Variants in DIS3L2 observed in about 807,000 individuals in gnomAD.
The protein encoded by DIS3L2 is DIS3-like exonuclease 2.
In DIS3L2, 34 loss-of-function variants were observed where a neutral mutation model predicts 97.5. The ratio of observed to expected loss-of-function variants is 0.35; its 90% confidence interval spans 0.27 to 0.46. The LOEUF (loss-of-function observed/expected upper bound fraction) is 0.46, where lower values mean the gene tolerates loss of function less well. Ranked by LOEUF, DIS3L2 falls within the 20% of genes least tolerant of loss-of-function variation. DIS3L2 has a pLI of 1.00. For synonymous variants in DIS3L2, 435 were observed against 445.2 expected, an observed-to-expected ratio of 0.98 and a Z score of 0.29; for missense variants, 1,038 against 1,146.0, an observed-to-expected ratio of 0.91 and a Z score of 1.36.
At chr2:232,074,610 C>T (rs936880045) in intron 5 of DIS3L2, among the ~76,000 whole-genome samples, 1 of 137,696 alleles carries the variant, frequency 7.3e-6, no homozygotes, top group Admixed American at 7.6e-5. Context: ...GAAAGGATCT[C>T]GCTCTGTTAC....
rs191123579 is a variant in DIS3L2 at position 232,100,440 on chromosome 2, C to T, written c.601+12719C>T. On this transcript the variant is annotated intron_variant, in intron 6 of 20. Coordinates refer to ENST00000325385, the MANE Select transcript of DIS3L2 (RefSeq NM_152383.5). ...AGGGATGTTGCTTTTTTGCCCTTTCCCCAAATTCTTGAGTTGAGTACTTAG... is the reference window on the plus strand; with the variant it reads ...AGGGATGTTGCTTTTTTGCCCTTTCTCCAAATTCTTGAGTTGAGTACTTAG... 2.6e-5 allele frequency among the ~76,000 whole-genome samples: 4 copies of T among 151,794 alleles called. No homozygotes were observed. In the East Asian group the frequency reaches 7.7e-4, roughly 29 times the overall value.
chr2:232,273,415 T>C lies in DIS3L2; in HGVS notation c.1659+9975T>C, dbSNP rs998489904. Among the ~76,000 whole-genome samples the C allele has an allele frequency of 1.3e-5, 2 of 152,182 alleles. 1 individual carries two copies. Among genetic ancestry groups the C allele is most frequent in the Non-Finnish European group, 2.9e-5 (2 of 68,030 alleles). ...CATATTGATCTTTTAAAAAAGATGA[T>C]GGTAGCTGTGTTCAGGAGAGTGGAT... On this transcript the variant is annotated intron_variant, in intron 13 of 20. Coordinates refer to ENST00000325385, the MANE Select transcript of DIS3L2 (RefSeq NM_152383.5).
intron 14 of DIS3L2, among the ~76,000 whole-genome samples, chr2:232,322,090 C>T (rs754108837): frequency 6.6e-6 from 1 of 152,180 alleles, no homozygotes; most frequent in Non-Finnish European, 1.5e-5. Flanking sequence ...TAGCTGACTA[C>T]GGGGGTGCCT....
intron 6 of DIS3L2, among the ~76,000 whole-genome samples, chr2:232,115,540 A>G (rs112163702): frequency 6.6e-6 from 1 of 152,168 alleles, no homozygotes; most frequent in African/African-American, 2.4e-5. Flanking sequence ...TTGCCTGTGA[A>G]TGATATGGTT....
At chr2:231,970,393 G>A (rs1692869030) in intron 1 of DIS3L2, among the ~76,000 whole-genome samples, 1 of 152,162 alleles carries the variant, frequency 6.6e-6, no homozygotes, top group Admixed American at 6.5e-5. Flanking sequence ...CACAAATCTA[G>A]ATGTTGTAGC....
intron 14 of DIS3L2, among the ~76,000 whole-genome samples, chr2:232,317,364 C>G (rs887845165): frequency 2.0e-5 from 3 of 152,150 alleles, no homozygotes; most frequent in African/African-American, 4.8e-5. Flanking sequence ...GGACAAATGT[C>G]TCCTGGGAGT....
chr2:232,247,236 A>G (rs921441043), intron 11 of DIS3L2, among the ~76,000 whole-genome samples: 9 of 152,210 alleles, frequency 5.9e-5, no homozygotes, highest in African/African-American at 1.9e-4. Flanking sequence ...AGCCCAGAGG[A>G]GAACACAAGA....
At chr2:232,032,267 T>A (rs1283450879) in intron 5 of DIS3L2, among the ~76,000 whole-genome samples, 1 of 152,272 alleles carries the variant, frequency 6.6e-6, no homozygotes, top group African/African-American at 2.4e-5. Flanking sequence ...CCAGTGTTGA[T>A]GACCTTTTTT....
At chr2:232,249,471 G>A in intron 12 of DIS3L2, 125 bp downstream of exon 12, 2 of 1,023,950 alleles carry the variant, frequency 2.0e-6, no homozygotes, top group South Asian at 3.0e-5. Flanking sequence ...GTATGGAGTA[G>A]CCATCATAGA....
chr2:232,085,350 A>T (rs923190381), intron 5 of DIS3L2, among the ~76,000 whole-genome samples: 5 of 152,112 alleles, frequency 3.3e-5, no homozygotes, highest in Non-Finnish European at 7.4e-5. Context: ...CATGAAAGGG[A>T]CTCCATAATG....
chr2:231,965,500 G>C (rs1328996929), intron 1 of DIS3L2, among the ~76,000 whole-genome samples: 1 of 151,672 alleles, frequency 6.6e-6, no homozygotes, highest in African/African-American at 2.4e-5. Flanking sequence ...GTTGCTTTGG[G>C]CATCCACCAA....
chr2:232,233,496 A>C (rs1035272667), intron 10 of DIS3L2, among the ~76,000 whole-genome samples: 1 of 152,178 alleles, frequency 6.6e-6, no homozygotes, highest in African/African-American at 2.4e-5. Context: ...TCAACCTGTG[A>C]ATTGGCAGGG....
At chr2:232,305,268 G>T (rs1013052042) in intron 14 of DIS3L2, among the ~76,000 whole-genome samples, 4 of 151,946 alleles carry the variant, frequency 2.6e-5, no homozygotes, top group African/African-American at 9.7e-5. Flanking sequence ...AGTAGAGATG[G>T]GATTTCGCCA....
At chr2:232,303,919 C>T (rs1003026742) in intron 14 of DIS3L2, among the ~76,000 whole-genome samples, 5 of 152,192 alleles carry the variant, frequency 3.3e-5, no homozygotes, top group African/African-American at 7.2e-5. Flanking sequence ...GTCCATTTCT[C>T]ATGGGACTTG....
chr2:232,234,383 A>G (rs974602616), intron 10 of DIS3L2, among the ~76,000 whole-genome samples: 2 of 152,082 alleles, frequency 1.3e-5, no homozygotes, highest in African/African-American at 4.8e-5. Context: ...ACGGAGTCTC[A>G]CTCTTGCTCA....
intron 9 of DIS3L2, among the ~76,000 whole-genome samples, chr2:232,194,551 A>C (rs1049686845): frequency 1.3e-5 from 2 of 152,214 alleles, no homozygotes; most frequent in Admixed American, 1.3e-4. Context: ...AAAGATAGCT[A>C]GAAGCCAGTG....
At chr2:232,163,243 A>T (rs1385872896) in intron 8 of DIS3L2, among the ~76,000 whole-genome samples, 1 of 152,210 alleles carries the variant, frequency 6.6e-6, no homozygotes. Context: ...AAATAAAAAA[A>T]GGTGAAATTA....
intron 7 of DIS3L2, 27 bp from the exon 8 acceptor site, chr2:232,136,445 C>T: frequency 6.2e-7 from 1 of 1,611,628 alleles, no homozygotes; most frequent in Non-Finnish European, 8.5e-7. Context: ...AGATAAACAA[C>T]ATTGACTATA....
intron 14 of DIS3L2, 28 bp from the exon 15 acceptor site, chr2:232,329,785 T>TGCCGGGGGGGGC: frequency 3.7e-5 from 36 of 967,130 alleles, no homozygotes; most frequent in Non-Finnish European, 5.0e-5. Context: ...ACCCCAGCGG[T>TGCCGGGGGGGGC]CCCTCCCATC....
Sources: allele counts gnomAD v4.1 joint callset (sites outside exome capture counted in the v4.1 genomes callset), GRCh38; gene constraint gnomAD v4.1.1; transcripts MANE v1.5; gene names NCBI Gene and HGNC (gene_info 2026-07-23, HGNC 2026-07-21).